The following PRDM15 variants were observed in gnomAD, a reference collection of about 807,000 sequenced individuals.
The protein encoded by PRDM15 is PR domain zinc finger protein 15.
PRDM15 carries 64 observed loss-of-function variants against 128.6 expected under a neutral mutation model. That is an observed-to-expected ratio of 0.50 (90% CI 0.41 to 0.61). The LOEUF (loss-of-function observed/expected upper bound fraction) is 0.61. PRDM15 is among the 20% of genes least tolerant of loss of function. The probability of loss-of-function intolerance (pLI) is 0.00; values close to 1 mark genes in which losing one functional copy is unlikely to be tolerated. For synonymous variants in PRDM15, 615 were observed against 621.8 expected, an observed-to-expected ratio of 0.99 and a Z score of 0.16; for missense variants, 1,242 against 1,569.1, an observed-to-expected ratio of 0.79 and a Z score of 3.52.
Position 41,801,731 on chromosome 21 carries a change from T to C in PRDM15, c.2944-9A>G. The stretch of plus-strand genomic sequence containing the variant: ...CCCAGGGTCACCACTACCTGGAAGA[T>C]TCACACACAACAAAAATCCGTTCAT... On this transcript the variant is annotated splice_polypyrimidine_tract_variant and intron_variant, in intron 23 of 23. Transcript: ENST00000398548. 8 of 1,604,966 alleles carry C rather than the reference T, an allele frequency of 5.0e-6. No homozygotes were observed. The highest frequency in any genetic ancestry group is 6.8e-6 in the Non-Finnish European group (8 of 1,172,964).
chr21:41,846,994 G>A (rs2063285594), intron 6 of PRDM15, 96 bp downstream of exon 6: 1 of 805,418 alleles, frequency 1.2e-6, no homozygotes, highest in Admixed American at 2.3e-5. Context: ...GACAAAGTCT[G>A]GGACATCCCG....
chr21:41,825,930 T>A, intron 13 of PRDM15, 30 bp downstream of exon 13: 1 of 1,515,322 alleles, frequency 6.6e-7, no homozygotes, highest in Non-Finnish European at 9.2e-7. Flanking sequence ...GCTTTCCATC[T>A]CAGCGTCCGA....
At chr21:41,813,010 C>A (rs2061915394) in intron 19 of PRDM15, 1 of 152,400 alleles carries the variant, frequency 6.6e-6, no homozygotes, top group Non-Finnish European at 1.5e-5. Context: ...CCAGCTTCCT[C>A]CTGGTGCAAG....
At chr21:41,840,218 G>A (rs1024764820) in intron 6 of PRDM15, among the ~76,000 whole-genome samples, 11 of 152,108 alleles carry the variant, frequency 7.2e-5, no homozygotes, top group Admixed American at 1.3e-4. Flanking sequence ...GCTGAGGCAG[G>A]TGGATCACAT....
Position 41,821,760 on chromosome 21 carries a change from A to C in PRDM15, c.1896+143T>G. On this transcript the variant is annotated intron_variant, in intron 15 of 23. Coordinates refer to ENST00000398548, the MANE Select transcript of PRDM15 (RefSeq NM_001040424.3). This position sits in a 1 kb window ranked among gnomAD's most constrained non-coding sequence, Gnocchi z 5.4. ...AGTGATGGACAGGCACCCAGTCTGCAGTAGGACCACTGGCCGGAGCCTTTG... is the reference window on the plus strand; with the variant it reads ...AGTGATGGACAGGCACCCAGTCTGCCGTAGGACCACTGGCCGGAGCCTTTG... 1 of 979,298 alleles carries C rather than the reference A, an allele frequency of 1.0e-6. No individual in the cohort carries two copies. Among genetic ancestry groups the C allele is most frequent in the Non-Finnish European group, 1.5e-6 (1 of 648,960 alleles). 60.7% of individuals were successfully genotyped at this position (979,298 alleles called of 1,614,324 possible). A position where few individuals can be genotyped will look rare whatever the true frequency, so the allele number is the denominator to read the frequency against.
intron 5 of PRDM15, among the ~76,000 whole-genome samples, chr21:41,852,861 CAAGTT>C (rs1345179600): frequency 2.0e-5 from 3 of 152,304 alleles, no homozygotes; most frequent in Admixed American, 2.0e-4. Flanking sequence ...CAGATGTCAT[CAAGTT>C]AAGGTGAGGT....
intron 5 of PRDM15, among the ~76,000 whole-genome samples, chr21:41,848,027 A>G (rs1385055939): frequency 6.6e-6 from 1 of 152,170 alleles, no homozygotes; most frequent in African/African-American, 2.4e-5. Flanking sequence ...CAGTTTCTCT[A>G]CACCTCGTCT....
chr21:41,867,955 G>A (rs1194316255), intron 1 of PRDM15, among the ~76,000 whole-genome samples: 1 of 152,000 alleles, frequency 6.6e-6, no homozygotes, highest in East Asian at 1.9e-4. Context: ...TACTTGGGAG[G>A]CTGAGGCAGG....
chr21:41,830,985 G>T (rs146392674), intron 11 of PRDM15, among the ~76,000 whole-genome samples: 2 of 152,294 alleles, frequency 1.3e-5, no homozygotes, highest in South Asian at 4.1e-4. Flanking sequence ...ACCAGTTGAC[G>T]GCGACCCCGG....
rs55653735 is a variant in PRDM15, at chr21:41,868,694, C to CTTTTTTTTTTT, written c.-9-8333_-9-8323dup. 1.6e-5 allele frequency among the ~76,000 whole-genome samples: 2 copies of CTTTTTTTTTTT among 125,200 alleles called. 1 individual carries two copies. The highest frequency in any genetic ancestry group is 6.0e-5 in the African/African-American group (2 of 33,128). The allele number at this position is 125,200 out of a possible 152,430, so 82.1% of individuals were successfully genotyped here. A position where few individuals can be genotyped will look rare whatever the true frequency, so the allele number is the denominator to read the frequency against. On this transcript the variant is annotated intron_variant, in intron 1 of 23. Transcript: ENST00000398548. Reference sequence around the variant, plus strand: ...TTTGCCCATTTTCCTTTTTCTTTTTCTTTTTTTTTTTTTTTTGAGATGGAG... The same window carrying CTTTTTTTTTTT: ...TTTGCCCATTTTCCTTTTTCTTTTTCTTTTTTTTTTTTTTTTTTTTTTTTTTTGAGATGGAG...
rs751416254 is a variant in PRDM15, at chr21:41,802,863, T to C, written c.2792A>G (p.Lys931Arg). The change falls in exon 23 of 24, where the codon AAG becomes AGG. Residue 931 changes from lysine (K) to arginine (R), a missense_variant. Transcript: ENST00000398548. ...LAEGKHGKAA[K>R]RSHKRKQKPE... ...CTTCTGCTTTCTCTTGTGACTTCGC[T>C]TGGCAGCTTTCCCGTGCTTCCCTTC... 1.6e-5 allele frequency: 26 copies of C among 1,614,102 alleles called. No homozygotes were observed. Among genetic ancestry groups the C allele is most frequent in the Non-Finnish European group, 2.0e-5 (24 of 1,180,052 alleles).
intron 6 of PRDM15, among the ~76,000 whole-genome samples, chr21:41,844,418 CA>C (rs2063168407): frequency 1.7e-4 from 1 of 5,736 alleles, no homozygotes; most frequent in African/African-American, 7.6e-4. Context: ...CACAGGGACA[CA>C]CACACACACA....
chr21:41,859,524 C>G lies in PRDM15; in HGVS notation c.131+68G>C. 1.5e-6 allele frequency: 2 copies of G among 1,332,536 alleles called. No homozygotes were observed. Among genetic ancestry groups the G allele is most frequent in the Non-Finnish European group, 2.1e-6 (2 of 941,116 alleles). 82.5% of individuals were successfully genotyped at this position (1,332,536 alleles called of 1,614,324 possible). ...GGCTCCTTCCTCCCCGTCTGCAGAC[C>G]CAAAGGCCACTAGGCTCCTGCCGCA... On this transcript the variant is annotated intron_variant, in intron 3 of 23. Coordinates refer to ENST00000398548, the MANE Select transcript of PRDM15 (RefSeq NM_001040424.3). This position sits in a 1 kb window ranked among gnomAD's most constrained non-coding sequence, Gnocchi z 5.3.
chr21:41,837,973 T>C lies in PRDM15; in HGVS notation c.962A>G (p.Lys321Arg). Residue 321 changes from lysine to arginine, a missense_variant, in exon 8 of 24, where the codon AAG becomes AGG. This residue lies in a region of PRDM15 where 612 missense variants were observed against 717.0 expected (regional missense o/e 0.85). Transcript: ENST00000398548. ...DERIMELVLG[K>R]LATTTTDTSS... is the part of the protein sequence containing the mutation. ...GGTGTCAGTGGTGGTGGTGGCCAGC[T>C]TCCCCAGAACCAGCTCCATGATCCG... The C allele has an allele frequency of 6.2e-7, 1 of 1,614,180 alleles. No individual in the cohort carries two copies. The highest frequency in any genetic ancestry group is 1.3e-5 in the African/African-American group (1 of 75,064).
In PRDM15 at chr21:41,838,010, T is replaced by C. The variant is rs1297793131; in HGVS notation, c.925A>G (p.Thr309Ala). The C allele has an allele frequency of 6.2e-7, 1 of 1,614,182 alleles. No homozygotes were observed. The highest frequency in any genetic ancestry group is 8.5e-7 in the Non-Finnish European group (1 of 1,180,014). The change falls in exon 8 of 24, where the codon ACG becomes GCG. Residue 309 changes from threonine to alanine, a missense_variant. This residue lies in a region of PRDM15 where 612 missense variants were observed against 717.0 expected (regional missense o/e 0.85). Coordinates refer to ENST00000398548, the MANE Select transcript of PRDM15 (RefSeq NM_001040424.3). ...AGCTCCATGATCCGCTCATCTGGCG[T>C]TGCACTCACAGGCTCATCCGGAGGG... ...EVPPDEPVSA[T>A]PDERIMELVL...
At chr21:41,853,423 G>T (rs188739265) in intron 5 of PRDM15, among the ~76,000 whole-genome samples, 3 of 152,132 alleles carry the variant, frequency 2.0e-5, no homozygotes, top group Non-Finnish European at 2.9e-5. Flanking sequence ...TATCTATTTC[G>T]CCCCCTTGAG....
chr21:41,821,087 C>G lies in PRDM15; in HGVS notation c.2040G>C (p.Leu680=). The G allele has an allele frequency of 6.2e-7, 1 of 1,614,254 alleles. No homozygotes were observed. The highest frequency in any genetic ancestry group is 8.5e-7 in the Non-Finnish European group (1 of 1,180,042). ...HAHMVIHREN[L]PDPNVQKYIH... is the part of the protein sequence containing the mutation. ...CTCACTTCTGCACGTTGGGGTCCGG[C>G]AGGTTTTCACGGTGGATGACCATGT... Residue 680 remains leucine, a synonymous_variant, in exon 16 of 24, where the codon CTG becomes CTC. Transcript: ENST00000398548. The surrounding 1 kb of genome is among the most constrained non-coding windows in gnomAD (Gnocchi z 5.4).
intron 1 of PRDM15, among the ~76,000 whole-genome samples, chr21:41,868,806 T>C (rs2064110130): frequency 6.7e-6 from 1 of 149,342 alleles, no homozygotes; most frequent in South Asian, 2.2e-4. Context: ...TTCTCCTGCC[T>C]CAGCCTCCAA....
intron 13 of PRDM15, among the ~76,000 whole-genome samples, chr21:41,825,303 C>T (rs1354093172): frequency 6.6e-6 from 1 of 152,260 alleles, no homozygotes; most frequent in Non-Finnish European, 1.5e-5. Flanking sequence ...GGACCCCAGG[C>T]TCTCCCGGGA....
Sources: gnomAD v4.1 joint callset for allele counts (sites outside exome capture counted in the v4.1 genomes callset) on GRCh38, gnomAD v4.1.1 for gene constraint, gnomAD v4.1.1 regional missense constraint, Gnocchi (gnomAD v3.1) non-coding constraint, MANE v1.5 for transcripts, NCBI Gene and HGNC (gene_info 2026-07-23, HGNC 2026-07-21) for gene names.